Variants in PDE4B observed in about 807,000 individuals in gnomAD.
PDE4B encodes 3',5'-cyclic-AMP phosphodiesterase 4B.
In PDE4B, 20 loss-of-function variants were observed where a neutral mutation model predicts 82.2. That is an observed-to-expected ratio of 0.24 (90% CI 0.17 to 0.35). PDE4B has a LOEUF of 0.35. PDE4B is among the 10% of genes least tolerant of loss of function. PDE4B has a pLI of 1.00. For missense variants in PDE4B, 655 were observed against 907.2 expected, an observed-to-expected ratio of 0.72 and a Z score of 3.57; for synonymous variants, 320 against 318.9, an observed-to-expected ratio of 1.00 and a Z score of -0.04.
At chr1:66,183,184 C>A (rs971317266) in intron 3 of PDE4B, among the ~76,000 whole-genome samples, 8 of 152,018 alleles carry the variant, frequency 5.3e-5, no homozygotes, top group African/African-American at 1.9e-4. Flanking sequence ...AATGAGGGGC[C>A]CCCATAGACA....
At chr1:65,953,051 G>T (rs1440141547) in intron 3 of PDE4B, among the ~76,000 whole-genome samples, 3 of 152,088 alleles carry the variant, frequency 2.0e-5, no homozygotes, top group African/African-American at 7.2e-5. Context: ...CCCTAAGCAT[G>T]TCTTGGGCCC....
At chr1:65,870,684 C>CTAAAAAAA (rs1184924662) in intron 1 of PDE4B, among the ~76,000 whole-genome samples, 3 of 151,890 alleles carry the variant, frequency 2.0e-5, no homozygotes, top group Admixed American at 6.6e-5. Flanking sequence ...AAGAGGGTTA[C>CTAAAAAAA]AACCTTTTTT....
At chr1:66,019,239 T>C (rs1045704011) in intron 3 of PDE4B, among the ~76,000 whole-genome samples, 1 of 152,138 alleles carries the variant, frequency 6.6e-6, no homozygotes, top group African/African-American at 2.4e-5. Context: ...GCTTAATTTA[T>C]TTAAAAAGCA....
chr1:66,202,382 A>G (rs370917150), intron 3 of PDE4B, among the ~76,000 whole-genome samples: 2 of 152,248 alleles, frequency 1.3e-5, no homozygotes, highest in African/African-American at 2.4e-5. Context: ...GCAGAGCTGA[A>G]TTCAATTCCT....
intron 3 of PDE4B, among the ~76,000 whole-genome samples, chr1:66,035,737 A>T (rs1019487080): frequency 1.3e-5 from 2 of 152,200 alleles, no homozygotes; most frequent in Admixed American, 6.5e-5. Flanking sequence ...CTTTAAAATT[A>T]TTCATCAGTT....
At chr1:66,194,583 CAGA>C (rs58979979) in intron 3 of PDE4B, among the ~76,000 whole-genome samples, 14,132 of 152,034 alleles carry the variant, frequency 0.093, 1,501 homozygotes, top group East Asian at 0.49. Context: ...CCATGCTGAG[CAGA>C]AGGTTAATGA....
chr1:66,128,651 A>T (rs1003388520), intron 3 of PDE4B, among the ~76,000 whole-genome samples: 1 of 152,212 alleles, frequency 6.6e-6, no homozygotes. Context: ...TTGCATATCT[A>T]TTAGTCCATT....
chr1:66,143,173 A>G (rs966497588), intron 3 of PDE4B, among the ~76,000 whole-genome samples: 3 of 152,216 alleles, frequency 2.0e-5, no homozygotes, highest in Non-Finnish European at 4.4e-5. Context: ...GAACTGCAGT[A>G]AAAGTGAAGA....
At chr1:66,137,270 T>G (rs973170769) in intron 3 of PDE4B, among the ~76,000 whole-genome samples, 4 of 151,738 alleles carry the variant, frequency 2.6e-5, no homozygotes, top group African/African-American at 7.3e-5. Context: ...TCTCGTGGGG[T>G]GTAGGAAGGA....
At chr1:65,858,763 A>G (rs1414275461) in intron 1 of PDE4B, among the ~76,000 whole-genome samples, 1 of 152,134 alleles carries the variant, frequency 6.6e-6, no homozygotes, top group African/African-American at 2.4e-5. Context: ...TAGCATTTAA[A>G]AGTTTAGCAA....
At chr1:65,969,697 C>T (rs768003901) in intron 3 of PDE4B, among the ~76,000 whole-genome samples, 1 of 151,878 alleles carries the variant, frequency 6.6e-6, no homozygotes, top group Non-Finnish European at 1.5e-5. Context: ...TATACTTTTG[C>T]CCATGGATAT....
chr1:65,850,027 G>T (rs576435528), intron 1 of PDE4B, among the ~76,000 whole-genome samples: 6 of 151,408 alleles, frequency 4.0e-5, no homozygotes, highest in Non-Finnish European at 7.4e-5. Context: ...CAAAGCAGTT[G>T]CACCATTCGC....
At chr1:66,060,433 A>G in intron 3 of PDE4B, among the ~76,000 whole-genome samples, 1 of 152,300 alleles carries the variant, frequency 6.6e-6, no homozygotes, top group African/African-American at 2.4e-5. Flanking sequence ...GTGCTTTCCA[A>G]TGTGGTAGTC....
intron 3 of PDE4B, among the ~76,000 whole-genome samples, chr1:66,071,771 G>T (rs1212788336): frequency 2.0e-5 from 3 of 152,060 alleles, no homozygotes; most frequent in East Asian, 1.9e-4. Context: ...GATGCTGTAA[G>T]ACTACGTGTT....
intron 1 of PDE4B, among the ~76,000 whole-genome samples, chr1:65,892,728 T>G (rs1646865813): frequency 6.6e-6 from 1 of 152,056 alleles, no homozygotes; most frequent in Non-Finnish European, 1.5e-5. Context: ...AAAAATAGAC[T>G]TATTCAAGTA....
chr1:66,331,208 A>G (rs1660081430), intron 7 of PDE4B, among the ~76,000 whole-genome samples: 1 of 152,226 alleles, frequency 6.6e-6, no homozygotes, highest in Non-Finnish European at 1.5e-5. Flanking sequence ...ATAAATGTAT[A>G]AAAATGTCTT....
At chr1:66,189,718 C>G (rs1647573232) in intron 3 of PDE4B, among the ~76,000 whole-genome samples, 2 of 152,080 alleles carry the variant, frequency 1.3e-5, no homozygotes, top group South Asian at 4.2e-4. Context: ...ATTGGTTATT[C>G]TAGTTGGCCA....
At chr1:65,946,516 G>A (rs187865070) in intron 3 of PDE4B, among the ~76,000 whole-genome samples, 1 of 152,068 alleles carries the variant, frequency 6.6e-6, no homozygotes, top group East Asian at 1.9e-4. Context: ...CAGCTGGTGA[G>A]AGCAGTTCTG....
intron 3 of PDE4B, among the ~76,000 whole-genome samples, chr1:66,043,272 G>T (rs1304260516): frequency 6.6e-6 from 1 of 151,762 alleles, no homozygotes; most frequent in South Asian, 2.1e-4. Flanking sequence ...GTGAAATAAA[G>T]AAGTTAACTA....
Sources: gnomAD v4.1 joint callset for allele counts (sites outside exome capture counted in the v4.1 genomes callset) on GRCh38, gnomAD v4.1.1 for gene constraint, MANE v1.5 for transcripts, NCBI Gene and HGNC (gene_info 2026-07-23, HGNC 2026-07-21) for gene names.